Variants in VGLL3 observed in about 807,000 individuals in gnomAD.
VGLL3 encodes the protein vestigial like family member 3, also known as transcription cofactor vestigial-like protein 3.
A neutral mutation model predicts 29.2 loss-of-function variants in VGLL3; 18 were observed. The ratio of observed to expected loss-of-function variants is 0.62; its 90% confidence interval spans 0.43 to 0.91. VGLL3 has a LOEUF of 0.91. Ranked by LOEUF, VGLL3 falls within the 40% of genes least tolerant of loss-of-function variation. VGLL3 has a pLI of 0.00. For missense variants in VGLL3, 440 were observed against 413.2 expected (o/e 1.06, Z -0.56); for synonymous variants, 180 against 151.8 (o/e 1.19, Z -1.36).
Position 86,938,565 on chromosome 3 carries a change from A to G in VGLL3, c.*8459T>C, listed in dbSNP as rs951725017. 9 of 152,654 alleles carry G rather than the reference A, an allele frequency of 5.9e-5. No individual in the cohort carries two copies. The highest frequency in any genetic ancestry group is 2.2e-4 in the African/African-American group (9 of 41,460). 9.5% of individuals were successfully genotyped at this position (152,654 alleles called of 1,614,324 possible). A position where few individuals can be genotyped will look rare whatever the true frequency, so the allele number is the denominator to read the frequency against. On this transcript the variant is annotated 3_prime_UTR_variant, in exon 4 of 4. Transcript: ENST00000398399. ...CTTGTACAAGTGCAAAGCAAAGATC[A>G]ATGCTGATGTTCTTCATTCAGTCAC...
At chr3:86,979,510 A>C (rs1454780974) in intron 1 of VGLL3, among the ~76,000 whole-genome samples, 1 of 152,192 alleles carries the variant, frequency 6.6e-6, no homozygotes, top group Non-Finnish European at 1.5e-5. Flanking sequence ...TCTTTCAATT[A>C]AAAATGAGAA....
chr3:86,982,299 G>T (rs963462369), intron 1 of VGLL3, among the ~76,000 whole-genome samples: 1 of 151,702 alleles, frequency 6.6e-6, no homozygotes, highest in African/African-American at 2.4e-5. Flanking sequence ...TGCCTGCCAC[G>T]ATGCCCAGCT....
rs917555298 is a variant in VGLL3, at chr3:86,943,379, T to G, written c.*3645A>C. The stretch of plus-strand genomic sequence containing the variant: ...ATTATAAATACAACATTAAACCAGA[T>G]AGCAAACTCAAAAGCTAGATAGGGT... On this transcript the variant is annotated 3_prime_UTR_variant, in exon 4 of 4. Transcript: ENST00000398399. 8.5e-5 allele frequency: 13 copies of G among 152,218 alleles called. No individual in the cohort carries two copies. The highest frequency in any genetic ancestry group is 3.1e-4 in the African/African-American group (13 of 41,552). The allele number at this position is 152,218 out of a possible 1,614,324, so 9.4% of individuals were successfully genotyped here. A position where few individuals can be genotyped will look rare whatever the true frequency, so the allele number is the denominator to read the frequency against.
chr3:86,942,750 A>ACGTTT lies in VGLL3; in HGVS notation c.*4273_*4274insAAACG, dbSNP rs1704424881. ...GAAATGACATACTAAAAAGTCAGCT[A>ACGTTT]ATTAAGAAACGTACATTTATCTCCT... On this transcript the variant is annotated 3_prime_UTR_variant, in exon 4 of 4. Transcript: ENST00000398399. 6.6e-6 allele frequency: 1 copy of ACGTTT among 152,188 alleles called. No individual in the cohort carries two copies. Among genetic ancestry groups the ACGTTT allele is most frequent in the African/African-American group, 2.4e-5 (1 of 41,458 alleles). The allele number at this position is 152,188 out of a possible 1,614,324, so 9.4% of individuals were successfully genotyped here.
intron 2 of VGLL3, 143 bp from the exon 3 acceptor site, chr3:86,969,266 G>A (rs1355018654): frequency 2.8e-6 from 3 of 1,061,438 alleles, no homozygotes; most frequent in Non-Finnish European, 1.3e-6. Flanking sequence ...CCAAACAGGG[G>A]TGAATTGATA....
intron 1 of VGLL3, among the ~76,000 whole-genome samples, chr3:86,979,670 A>T (rs1249885188): frequency 6.6e-6 from 1 of 152,208 alleles, no homozygotes; most frequent in Admixed American, 6.5e-5. Flanking sequence ...TGTAAAGATT[A>T]AAAAGCTAAA....
rs1704521328 is a variant in VGLL3 at position 86,946,994 on chromosome 3, C to T, written c.*30G>A. 1.3e-6 allele frequency: 1 copy of T among 778,620 alleles called. No homozygotes were observed. The highest frequency in any genetic ancestry group is 2.4e-6 in the Non-Finnish European group (1 of 416,930). The allele number at this position is 778,620 out of a possible 1,614,324, so 48.2% of individuals were successfully genotyped here. A position where few individuals can be genotyped will look rare whatever the true frequency, so the allele number is the denominator to read the frequency against. ...TTCCCAGTGGGCCCTTGGATTTATGCTGCAACTTAACTCACTAAGATTGTG... is the reference window on the plus strand; with the variant it reads ...TTCCCAGTGGGCCCTTGGATTTATGTTGCAACTTAACTCACTAAGATTGTG... On this transcript the variant is annotated 3_prime_UTR_variant, in exon 4 of 4. Coordinates refer to ENST00000398399, the MANE Select transcript of VGLL3 (RefSeq NM_016206.4).
chr3:86,961,448 C>T (rs149877602), intron 3 of VGLL3, among the ~76,000 whole-genome samples: 16 of 152,074 alleles, frequency 1.1e-4, no homozygotes, highest in African/African-American at 2.7e-4. Context: ...CTAAAATGCC[C>T]GGAATGATTA....
intron 2 of VGLL3, among the ~76,000 whole-genome samples, chr3:86,977,222 AGAG>A (rs1705227204): frequency 6.6e-6 from 1 of 152,074 alleles, no homozygotes; most frequent in African/African-American, 2.4e-5. Flanking sequence ...GAAGGAGAGG[AGAG>A]GAGAAGAGGC....
At chr3:86,976,527 G>T (rs1199234329) in intron 2 of VGLL3, among the ~76,000 whole-genome samples, 3 of 152,170 alleles carry the variant, frequency 2.0e-5, no homozygotes, top group Non-Finnish European at 4.4e-5. Flanking sequence ...AGACATATTT[G>T]AAGATCAAAT....
rs1423541386 is a variant in VGLL3 at position 86,981,609 on chromosome 3, A to T, written c.127-2807T>A. Among the ~76,000 whole-genome samples the T allele has an allele frequency of 2.6e-5, 4 of 151,972 alleles. No homozygotes were observed. In the East Asian group the frequency reaches 5.8e-4, roughly 22 times the overall value. On this transcript the variant is annotated intron_variant, in intron 1 of 3. Transcript: ENST00000398399. ...ATACTGATTCCTCTAATTAAATAAA[A>T]TTTTTTGTAATGATTATATACTTTC... is the stretch of plus-strand genomic sequence containing the variant.
intron 1 of VGLL3, among the ~76,000 whole-genome samples, chr3:86,986,930 C>T (rs1705453755): frequency 6.6e-6 from 1 of 152,148 alleles, no homozygotes; most frequent in African/African-American, 2.4e-5. Flanking sequence ...GAAAGAATCT[C>T]GCACTCCAAC....
intron 2 of VGLL3, among the ~76,000 whole-genome samples, chr3:86,970,188 T>G (rs2107023215): frequency 6.6e-6 from 1 of 152,272 alleles, no homozygotes; most frequent in East Asian, 1.9e-4. Context: ...CAGTTCAATT[T>G]CCTACTCAAT....
Position 86,943,851 on chromosome 3 carries a change from C to T in VGLL3, c.*3173G>A, listed in dbSNP as rs1348873054. ...AAGCATAGATTCTATTTAAAATAAA[C>T]GAGACAATTTTCTAGGGTCTACTTC... On this transcript the variant is annotated 3_prime_UTR_variant, in exon 4 of 4. Coordinates refer to ENST00000398399, the MANE Select transcript of VGLL3 (RefSeq NM_016206.4). The T allele has an allele frequency of 3.3e-5, 5 of 152,172 alleles. No homozygotes were observed. The highest frequency in any genetic ancestry group is 2.1e-4 in the South Asian group (1 of 4,816). The allele number at this position is 152,172 out of a possible 1,614,324, so 9.4% of individuals were successfully genotyped here.
At chr3:86,948,641 A>G (rs368310202) in intron 3 of VGLL3, among the ~76,000 whole-genome samples, 4 of 152,220 alleles carry the variant, frequency 2.6e-5, no homozygotes, top group African/African-American at 9.6e-5. Flanking sequence ...CAATCTCTGT[A>G]CTGTGTAGCA....
chr3:86,963,075 A>G (rs997289475), intron 3 of VGLL3: 1 of 189,186 alleles, frequency 5.3e-6, no homozygotes, highest in South Asian at 6.7e-5. Context: ...AGCCTGGGAG[A>G]TAAGAGTGAA....
rs1477268652 is a variant in VGLL3 at position 86,968,689 on chromosome 3, T to C, written c.838A>G (p.Thr280Ala). Residue 280 changes from threonine (T) to alanine (A), a missense_variant, in exon 3 of 4, where the codon ACA (threonine) becomes GCA (alanine). Transcript: ENST00000398399. ...ARIPAPQCDI[T>A]KTEPTTVTSA... The stretch of plus-strand genomic sequence containing the variant: ...GTGACTGTAGTTGGTTCTGTCTTTG[T>C]GATGTCACACTGGGGAGCAGGAATC... 1 of 1,614,026 alleles carries C rather than the reference T, an allele frequency of 6.2e-7. No individual in the cohort carries two copies. The highest frequency in any genetic ancestry group is 8.5e-7 in the Non-Finnish European group (1 of 1,180,038).
intron 1 of VGLL3, 30 bp from the exon 2 acceptor site, chr3:86,978,832 A>C (rs534067354): frequency 6.5e-7 from 1 of 1,538,466 alleles, no homozygotes; most frequent in South Asian, 1.3e-5. Context: ...ACACAGTATC[A>C]AAGACAGTTT....
intron 1 of VGLL3, among the ~76,000 whole-genome samples, chr3:86,983,689 A>G (rs111650198): frequency 3.3e-5 from 5 of 152,166 alleles, no homozygotes; most frequent in Non-Finnish European, 5.9e-5. Flanking sequence ...GCCTGGCCAC[A>G]TATTTCCTAA....
Sources: gnomAD v4.1 joint callset for allele counts (sites outside exome capture counted in the v4.1 genomes callset) on GRCh38, gnomAD v4.1.1 for gene constraint, MANE v1.5 for transcripts, NCBI Gene and HGNC (gene_info 2026-07-23, HGNC 2026-07-21) for gene names.